AEBP2: variants seen among roughly 807,000 people sequenced by gnomAD.
AEBP2 encodes AE binding protein 2.
In AEBP2, 10 loss-of-function variants were observed where a neutral mutation model predicts 50.8. That is an observed-to-expected ratio of 0.20 (90% CI 0.12 to 0.33). The LOEUF (loss-of-function observed/expected upper bound fraction) is 0.33. AEBP2 is among the 10% of genes least tolerant of loss of function. The probability of loss-of-function intolerance (pLI) is 1.00; values close to 1 mark genes in which losing one functional copy is unlikely to be tolerated. For synonymous variants in AEBP2, 296 were observed against 261.3 expected, an observed-to-expected ratio of 1.13 and a Z score of -1.28; for missense variants, 570 against 688.0, an observed-to-expected ratio of 0.83 and a Z score of 1.92.
chr12:19,502,495 A>T lies in AEBP2; in HGVS notation c.1299+2274A>T, dbSNP rs369721513. ...TAGAGGTCCAGTTTCATTCTTTGGCATATGGTTAGCCAATTTCTCCAGTGC... is the reference window on the plus strand; with the variant it reads ...TAGAGGTCCAGTTTCATTCTTTGGCTTATGGTTAGCCAATTTCTCCAGTGC... On this transcript the variant is annotated intron_variant, in intron 5 of 7. Transcript: ENST00000266508. 1.0e-3 allele frequency among the ~76,000 whole-genome samples: 152 copies of T among 152,174 alleles called. 1 individual carries two copies. Among genetic ancestry groups the T allele is most frequent in the African/African-American group, 3.5e-3 (147 of 41,514 alleles).
Position 19,511,625 on chromosome 12 carries a change from G to A in AEBP2, c.1300-773G>A, listed in dbSNP as rs533155669. Among the ~76,000 whole-genome samples, 3 of 152,274 alleles carry A rather than the reference G, an allele frequency of 2.0e-5. No homozygotes were observed. In the South Asian group the frequency reaches 6.2e-4, roughly 32 times the overall value. On this transcript the variant is annotated intron_variant, in intron 5 of 7. Transcript: ENST00000266508. ...ATGACTTGAGGAGGTCCAGAAGAAT[G>A]GAGACCTGAACTTGGGTTTATGGCA... is the stretch of plus-strand genomic sequence containing the variant.
chr12:19,488,125 A>AT (rs1948839444), intron 3 of AEBP2, among the ~76,000 whole-genome samples: 1 of 113,842 alleles, frequency 8.8e-6, no homozygotes, highest in Non-Finnish European at 2.2e-5. Context: ...GAACAGATTA[A>AT]ATTTTTTTTT....
At chr12:19,444,492 G>A (rs1439221304) in intron 1 of AEBP2, among the ~76,000 whole-genome samples, 1 of 152,186 alleles carries the variant, frequency 6.6e-6, no homozygotes, top group Non-Finnish European at 1.5e-5. Flanking sequence ...CAGCACTTTG[G>A]GAGGCCGAGG....
chr12:19,491,779 A>G (rs373818801), intron 3 of AEBP2, among the ~76,000 whole-genome samples: 7 of 152,100 alleles, frequency 4.6e-5, no homozygotes, highest in Non-Finnish European at 8.8e-5. Flanking sequence ...AGTAATATCT[A>G]TGATTTGCAA....
intron 4 of AEBP2, among the ~76,000 whole-genome samples, chr12:19,498,176 C>T (rs978206039): frequency 2.6e-5 from 4 of 152,102 alleles, no homozygotes; most frequent in Non-Finnish European, 2.9e-5. Flanking sequence ...TTATTTTCCC[C>T]AAGTGTTTAT....
At chr12:19,416,261 A>G (rs1021748317) in intron 1 of AEBP2, among the ~76,000 whole-genome samples, 6 of 152,214 alleles carry the variant, frequency 3.9e-5, no homozygotes, top group African/African-American at 1.4e-4. Context: ...AAAGTCATTC[A>G]TGTCCAAATT....
chr12:19,491,262 C>G (rs1012537762), intron 3 of AEBP2, among the ~76,000 whole-genome samples: 3 of 152,176 alleles, frequency 2.0e-5, no homozygotes, highest in Non-Finnish European at 4.4e-5. Context: ...TGGTCAGAGT[C>G]TGTAGGTGAA....
chr12:19,421,367 G>C (rs12229640), intron 1 of AEBP2, among the ~76,000 whole-genome samples: 3,437 of 112,070 alleles, frequency 0.031, 49 homozygotes, highest in East Asian at 0.06. Flanking sequence ...AAAAAAAAAA[G>C]AAACAAACAA....
intron 2 of AEBP2, among the ~76,000 whole-genome samples, chr12:19,466,042 G>A (rs1305355680): frequency 2.0e-5 from 3 of 151,762 alleles, no homozygotes; most frequent in Non-Finnish European, 2.9e-5. Context: ...TCCTGAGGAG[G>A]ACTTGATCAT....
chr12:19,425,590 A>G (rs908286334), intron 1 of AEBP2, among the ~76,000 whole-genome samples: 2 of 151,912 alleles, frequency 1.3e-5, no homozygotes, highest in South Asian at 2.1e-4. Context: ...GCTGGCCAAC[A>G]TGCTGAAACC....
chr12:19,430,819 A>T (rs931530857), intron 1 of AEBP2, among the ~76,000 whole-genome samples: 10 of 152,234 alleles, frequency 6.6e-5, no homozygotes, highest in South Asian at 2.1e-4. Context: ...ATTTTTGCAC[A>T]TTGATTTTGT....
chr12:19,429,059 G>A (rs1283134324), intron 1 of AEBP2, among the ~76,000 whole-genome samples: 1 of 152,118 alleles, frequency 6.6e-6, no homozygotes, highest in African/African-American at 2.4e-5. Context: ...CATGTGCCAT[G>A]TTGGTGTGCT....
upstream of AEBP2, among the ~76,000 whole-genome samples, chr12:19,438,745 G>A (rs1416705353): frequency 6.6e-6 from 1 of 152,160 alleles, no homozygotes; most frequent in Non-Finnish European, 1.5e-5. Context: ...AAATTCTAGA[G>A]GAGATATGCA....
At chr12:19,500,908 C>G (rs559855113) in intron 5 of AEBP2, among the ~76,000 whole-genome samples, 2 of 152,208 alleles carry the variant, frequency 1.3e-5, no homozygotes, top group South Asian at 2.1e-4. Flanking sequence ...TCTTCCATGC[C>G]TCTTCTCATT....
At chr12:19,487,569 T>C (rs1034316548) in intron 3 of AEBP2, among the ~76,000 whole-genome samples, 1 of 152,032 alleles carries the variant, frequency 6.6e-6, no homozygotes, top group African/African-American at 2.4e-5. Flanking sequence ...AATACAAAAA[T>C]TAGCCAAGTG....
At chr12:19,494,609 G>A (rs954297988) in intron 4 of AEBP2, among the ~76,000 whole-genome samples, 3 of 146,768 alleles carry the variant, frequency 2.0e-5, no homozygotes, top group Non-Finnish European at 4.5e-5. Flanking sequence ...TCAAACTCCC[G>A]ACCTCAGGTG....
At chr12:19,413,397 GACA>G in intron 1 of AEBP2, 1 of 1,038,538 alleles carries the variant, frequency 9.6e-7, no homozygotes, top group Non-Finnish European at 1.5e-6. Flanking sequence ...AAACAGAAAA[GACA>G]ACAACAGTGA....
At chr12:19,496,259 G>T (rs1259046832) in intron 4 of AEBP2, among the ~76,000 whole-genome samples, 4 of 152,162 alleles carry the variant, frequency 2.6e-5, no homozygotes, top group Non-Finnish European at 5.9e-5. Flanking sequence ...TTTTGACGGT[G>T]GTGTTTTTCC....
intron 2 of AEBP2, among the ~76,000 whole-genome samples, chr12:19,465,554 G>T (rs1044492286): frequency 3.3e-5 from 5 of 152,010 alleles, no homozygotes; most frequent in African/African-American, 1.2e-4. Context: ...TTAGAATATA[G>T]ACTATGGTTT....
Sources: allele counts gnomAD v4.1 joint callset (sites outside exome capture counted in the v4.1 genomes callset), GRCh38; gene constraint gnomAD v4.1.1; transcripts MANE v1.5; gene names NCBI Gene and HGNC (gene_info 2026-07-23, HGNC 2026-07-21).